Variants in IPPK observed in about 807,000 individuals in gnomAD.
IPPK encodes IPK1 homolog.
IPPK carries 22 observed loss-of-function variants against 64.6 expected under a neutral mutation model. The ratio of observed to expected loss-of-function variants is 0.34; its 90% CI spans 0.24 to 0.49. The LOEUF is 0.49. IPPK is among the 20% of genes least tolerant of loss of function. IPPK has a pLI of 0.99. For synonymous variants in IPPK, 262 were observed against 247.2 expected (o/e 1.06, Z -0.56); for missense variants, 532 against 630.7 (o/e 0.84, Z 1.68).
At chr9:92,629,053 A>G (rs1851784719) in intron 11 of IPPK, among the ~76,000 whole-genome samples, 1 of 152,130 alleles carries the variant, frequency 6.6e-6, no homozygotes, top group Non-Finnish European at 1.5e-5. Context: ...ACACCACTGC[A>G]CTTCAGCCTG....
rs752792832 is a variant in IPPK at position 92,635,321 on chromosome 9, T to C, written c.917-13A>G. 3.7e-6 allele frequency: 6 copies of C among 1,604,864 alleles called. No homozygotes were observed. In the East Asian group the frequency reaches 1.1e-4, roughly 30 times the overall value. ...GGGGTGTTTTTTCCTACCGAGAACA[T>C]CAGGGGAAAACGAGAGCATGTTGAT... On this transcript the variant is annotated splice_polypyrimidine_tract_variant and intron_variant, in intron 9 of 12. Transcript: ENST00000287996. The surrounding 1 kb of genome is among the most constrained non-coding windows in gnomAD (Gnocchi z 4.4).
intron 11 of IPPK, among the ~76,000 whole-genome samples, chr9:92,629,833 A>G (rs978811953): frequency 1.3e-5 from 2 of 152,232 alleles, no homozygotes; most frequent in Non-Finnish European, 1.5e-5. Context: ...TCAAAACTAC[A>G]AGATACCACT....
At chr9:92,665,359 T>C (rs970636840) in intron 1 of IPPK, among the ~76,000 whole-genome samples, 1 of 152,242 alleles carries the variant, frequency 6.6e-6, no homozygotes, top group Non-Finnish European at 1.5e-5. Flanking sequence ...TATGGCCCAG[T>C]TAACAGTCCT....
chr9:92,618,561 T>G lies in IPPK; in HGVS notation c.1250+925A>C, dbSNP rs1315986456. 1.8e-5 allele frequency: 8 copies of G among 456,490 alleles called. No individual in the cohort carries two copies. The East Asian group carries it at 5.6e-4, about 32-fold the overall frequency. The allele number at this position is 456,490 out of a possible 1,614,324, so 28.3% of individuals were successfully genotyped here. A position where few individuals can be genotyped will look rare whatever the true frequency, so the allele number is the denominator to read the frequency against. On this transcript the variant is annotated intron_variant, in intron 12 of 12. Coordinates refer to ENST00000287996, the MANE Select transcript of IPPK (RefSeq NM_022755.6). ...TGCTGAACAGTGGTATCTTCGTGGG[T>G]TTTCTCTCATCGAACACCACCAGCT...
At chr9:92,646,052 C>G (rs1852144360) in intron 6 of IPPK, among the ~76,000 whole-genome samples, 1 of 152,072 alleles carries the variant, frequency 6.6e-6, no homozygotes, top group East Asian at 1.9e-4. Flanking sequence ...TCTGTATCAC[C>G]CAGAACATCA....
intron 3 of IPPK, among the ~76,000 whole-genome samples, chr9:92,655,972 G>C (rs1389389790): frequency 6.6e-6 from 1 of 152,132 alleles, no homozygotes; most frequent in Non-Finnish European, 1.5e-5. Flanking sequence ...ACAGACCCCA[G>C]CACAGGCGGC....
chr9:92,645,287 G>T (rs1326520768), intron 6 of IPPK, among the ~76,000 whole-genome samples: 1 of 152,064 alleles, frequency 6.6e-6, no homozygotes, highest in Non-Finnish European at 1.5e-5. Flanking sequence ...CTACTTGGTG[G>T]GGGCTGAAGC....
chr9:92,640,124 T>C (rs1852017203), intron 8 of IPPK, among the ~76,000 whole-genome samples: 1 of 152,196 alleles, frequency 6.6e-6, no homozygotes, highest in Non-Finnish European at 1.5e-5. Context: ...GTGTCACTTA[T>C]GTGTGATCAT....
At chr9:92,644,768 A>C (rs948246227) in intron 6 of IPPK, among the ~76,000 whole-genome samples, 10 of 152,206 alleles carry the variant, frequency 6.6e-5, no homozygotes, top group African/African-American at 4.8e-5. Flanking sequence ...CAACTACAAG[A>C]AGCAGCAATA....
intron 1 of IPPK, among the ~76,000 whole-genome samples, chr9:92,669,283 C>T (rs900457045): frequency 6.6e-6 from 1 of 152,150 alleles, no homozygotes; most frequent in Non-Finnish European, 1.5e-5. Flanking sequence ...TTGGGATTCA[C>T]CTTTGCGAGA....
At chr9:92,647,445 C>T (rs1399972287) in intron 6 of IPPK, among the ~76,000 whole-genome samples, 1 of 152,018 alleles carries the variant, frequency 6.6e-6, no homozygotes, top group Admixed American at 6.6e-5. Flanking sequence ...AGTACCAAAG[C>T]CAGACACCAC....
At chr9:92,626,266 A>G (rs1034141167) in intron 11 of IPPK, among the ~76,000 whole-genome samples, 11 of 152,042 alleles carry the variant, frequency 7.2e-5, no homozygotes, top group Admixed American at 2.0e-4. Flanking sequence ...GCGTGGTGGC[A>G]GGCGCCTGTA....
At chr9:92,653,943 C>A (rs920238975) in intron 3 of IPPK, among the ~76,000 whole-genome samples, 1 of 152,200 alleles carries the variant, frequency 6.6e-6, no homozygotes, top group Non-Finnish European at 1.5e-5. Context: ...ACAAAAGGCA[C>A]GCATGCCGAC....
intron 1 of IPPK, among the ~76,000 whole-genome samples, chr9:92,667,529 A>G (rs111268494): frequency 2.3e-4 from 35 of 152,330 alleles, no homozygotes; most frequent in African/African-American, 8.2e-4. Flanking sequence ...ACATTTTCTC[A>G]TGAGACTATG....
At chr9:92,644,891 G>A (rs1002966409) in intron 6 of IPPK, among the ~76,000 whole-genome samples, 1 of 152,024 alleles carries the variant, frequency 6.6e-6, no homozygotes, top group Non-Finnish European at 1.5e-5. Flanking sequence ...AGAAAGTATT[G>A]CCCATATACA....
At chr9:92,621,649 A>G (rs1430136879) in intron 11 of IPPK, among the ~76,000 whole-genome samples, 1 of 151,700 alleles carries the variant, frequency 6.6e-6, no homozygotes, top group African/African-American at 2.4e-5. Context: ...CAGGCAGGTA[A>G]GACTACAGGT....
chr9:92,656,588 G>T, intron 2 of IPPK, 37 bp from the exon 3 acceptor site: 1 of 1,376,662 alleles, frequency 7.3e-7, no homozygotes, highest in Non-Finnish European at 1.0e-6. Context: ...TTCGTGATGG[G>T]ACCTCCCAAC....
chr9:92,628,752 C>T (rs7033333), intron 11 of IPPK, among the ~76,000 whole-genome samples: 17,008 of 152,118 alleles, frequency 0.11, 1,033 homozygotes, highest in Middle Eastern at 0.15. Context: ...TGGCACATGC[C>T]TGTAGTCCCA....
intron 1 of IPPK, among the ~76,000 whole-genome samples, chr9:92,667,460 G>C (rs556154900): frequency 2.0e-5 from 3 of 152,328 alleles, no homozygotes; most frequent in East Asian, 3.9e-4. Context: ...TGGTGGGCTA[G>C]GCTTGGTTCA....
Sources: gnomAD v4.1 joint callset for allele counts (sites outside exome capture counted in the v4.1 genomes callset) on GRCh38, gnomAD v4.1.1 for gene constraint, Gnocchi (gnomAD v3.1) non-coding constraint, MANE v1.5 for transcripts, NCBI Gene and HGNC (gene_info 2026-07-23, HGNC 2026-07-21) for gene names.